The following FEZ1 variants were observed in gnomAD, a reference collection of about 807,000 sequenced individuals.
FEZ1 encodes fasciculation and elongation protein zeta 1.
A neutral mutation model predicts 49.3 loss-of-function variants in FEZ1; 20 were observed. The ratio of observed to expected loss-of-function variants is 0.41; its 90% CI spans 0.29 to 0.59. FEZ1 has a LOEUF of 0.59. Among genes scored for constraint, FEZ1 ranks in the 20% least tolerant of loss-of-function variants. The pLI is 0.36. For synonymous variants in FEZ1, 170 were observed against 180.9 expected, an observed-to-expected ratio of 0.94 and a Z score of 0.48; for missense variants, 413 against 476.0, an observed-to-expected ratio of 0.87 and a Z score of 1.23.
At chr11:125,493,840 G>A (rs191634487) in intron 1 of FEZ1, among the ~76,000 whole-genome samples, 1 of 152,332 alleles carries the variant, frequency 6.6e-6, no homozygotes, top group East Asian at 1.9e-4. Flanking sequence ...GGTGACACCA[G>A]TGGGGTTTCT....
At chr11:125,449,417 TAAAAAAA>T (rs35920814) in intron 8 of FEZ1, among the ~76,000 whole-genome samples, 1,020 of 27,038 alleles carry the variant, frequency 0.038, 16 homozygotes, top group Middle Eastern at 0.11. Context: ...TTTGTCTCTA[TAAAAAAA>T]AAAAAAAAAA....
At chr11:125,460,068 C>A (rs1957059091) in intron 5 of FEZ1, among the ~76,000 whole-genome samples, 1 of 151,962 alleles carries the variant, frequency 6.6e-6, no homozygotes, top group Non-Finnish European at 1.5e-5. Context: ...TACACTCCAG[C>A]CTGGGTGACA....
intron 1 of FEZ1, among the ~76,000 whole-genome samples, chr11:125,490,225 T>C (rs1323339167): frequency 2.0e-5 from 3 of 152,200 alleles, no homozygotes; most frequent in African/African-American, 4.8e-5. Context: ...TCCATATCCT[T>C]AACTATGTGA....
At chr11:125,452,480 T>C (rs1956966877) in intron 7 of FEZ1, 71 bp from the exon 8 acceptor site, 2 of 961,024 alleles carry the variant, frequency 2.1e-6, no homozygotes, top group African/African-American at 1.6e-5. Flanking sequence ...ATTTAGCCTT[T>C]CTCTAAGACA....
chr11:125,450,598 A>T (rs1956945467), intron 8 of FEZ1, among the ~76,000 whole-genome samples: 1 of 152,226 alleles, frequency 6.6e-6, no homozygotes, highest in African/African-American at 2.4e-5. Flanking sequence ...TCATATGAGG[A>T]TCTGCCAAAA....
intron 3 of FEZ1, among the ~76,000 whole-genome samples, chr11:125,478,197 C>T (rs1216264516): frequency 6.6e-6 from 1 of 152,204 alleles, no homozygotes. Flanking sequence ...AATCCCAGCA[C>T]TTTGGGAGGC....
chr11:125,457,115 G>A (rs757609638), intron 5 of FEZ1, among the ~76,000 whole-genome samples: 10 of 151,504 alleles, frequency 6.6e-5, no homozygotes, highest in Non-Finnish European at 1.2e-4. Flanking sequence ...CCTGAGAGGC[G>A]GAGGTTGCAG....
chr11:125,456,090 A>G lies in FEZ1; in HGVS notation c.684T>C (p.Ser228=), dbSNP rs1351086805. Residue 228 remains serine, a synonymous_variant, in exon 6 of 10, where the codon TCT becomes TCC. Coordinates refer to ENST00000278919, the MANE Select transcript of FEZ1 (RefSeq NM_005103.5). ...CCAGCAGCTCGGTCAGCTCAGACCC[A>G]GACATGTGCCTCAGCCCTGCAGGGG... ...NWSYEGLRHM[S]GSELTELLDQ... 1 of 1,599,922 alleles carries G rather than the reference A, an allele frequency of 6.3e-7. No homozygotes were observed. Among genetic ancestry groups the G allele is most frequent in the Non-Finnish European group, 8.5e-7 (1 of 1,173,648 alleles).
intron 8 of FEZ1, among the ~76,000 whole-genome samples, chr11:125,451,859 A>G (rs926425549): frequency 3.9e-5 from 6 of 152,156 alleles, no homozygotes; most frequent in Non-Finnish European, 7.3e-5. Flanking sequence ...GCTGGACTCT[A>G]TTTTTTCCAG....
intron 1 of FEZ1, among the ~76,000 whole-genome samples, chr11:125,490,919 A>C (rs539851883): frequency 1.3e-5 from 2 of 151,890 alleles, no homozygotes; most frequent in Non-Finnish European, 2.9e-5. Flanking sequence ...ACACCCAGCT[A>C]ATTTTTGTAT....
chr11:125,454,408 CTCTTA>C, intron 6 of FEZ1, 198 bp from the exon 7 acceptor site: 1 of 435,930 alleles, frequency 2.3e-6, no homozygotes, highest in East Asian at 3.6e-5. Flanking sequence ...GTCTCAAGAA[CTCTTA>C]TCTTAGTAAG....
intron 9 of FEZ1, 81 bp from the exon 10 acceptor site, chr11:125,446,192 G>A: frequency 1.5e-6 from 2 of 1,362,836 alleles, no homozygotes; most frequent in Non-Finnish European, 1.1e-6. Flanking sequence ...AGCCCTAGCT[G>A]AGAGCAGTCA....
Position 125,455,862 on chromosome 11 carries a change from T to C in FEZ1, c.912A>G (p.Ile304Met). The C allele has an allele frequency of 3.1e-6, 5 of 1,614,010 alleles. No homozygotes were observed. Among genetic ancestry groups the C allele is most frequent in the Non-Finnish European group, 3.4e-6 (4 of 1,179,988 alleles). ...EKGLSLQSSR[I>M]EKGNQMPLKR... Reference sequence around the variant, plus strand: ...TGAGAGGCATCTGGTTTCCCTTCTCTATCCGGCTGCTCTGCAGGCTCAGCC... The same window carrying C: ...TGAGAGGCATCTGGTTTCCCTTCTCCATCCGGCTGCTCTGCAGGCTCAGCC... The change falls in exon 6 of 10, where the codon ATA (isoleucine) becomes ATG (methionine). Residue 304 changes from isoleucine to methionine, a missense_variant. By Grantham distance (10) the Ile-to-Met change is conservative. Transcript: ENST00000278919.
At chr11:125,465,750 GT>G (rs1300701263) in intron 3 of FEZ1, among the ~76,000 whole-genome samples, 5 of 152,076 alleles carry the variant, frequency 3.3e-5, no homozygotes, top group African/African-American at 1.2e-4. Flanking sequence ...CACCTCCATC[GT>G]GCCCCAGCCT....
intron 4 of FEZ1, among the ~76,000 whole-genome samples, chr11:125,461,802 A>G (rs944610780): frequency 6.6e-6 from 1 of 152,216 alleles, no homozygotes; most frequent in African/African-American, 2.4e-5. Flanking sequence ...GGGCTGGACC[A>G]AAGGTAAGGG....
chr11:125,484,218 C>T (rs914067745), intron 2 of FEZ1, among the ~76,000 whole-genome samples: 4 of 152,198 alleles, frequency 2.6e-5, no homozygotes, highest in African/African-American at 9.6e-5. Context: ...TACTCTAAAC[C>T]AGATTCGAAA....
intron 8 of FEZ1, among the ~76,000 whole-genome samples, 159 bp from the exon 9 acceptor site, chr11:125,448,726 T>C (rs1480372165): frequency 6.6e-6 from 1 of 151,940 alleles, no homozygotes; most frequent in Admixed American, 6.6e-5. Context: ...CTATCAGGGG[T>C]CAGCATTTCA....
chr11:125,446,157 A>C (rs1424734532), intron 9 of FEZ1, 46 bp from the exon 10 acceptor site: 2 of 1,607,814 alleles, frequency 1.2e-6, no homozygotes, highest in Admixed American at 1.7e-5. Context: ...ACACAGTTGC[A>C]GGTGGGGACC....
chr11:125,468,178 C>CT (rs1032997897), intron 3 of FEZ1, among the ~76,000 whole-genome samples: 63 of 149,966 alleles, frequency 4.2e-4, no homozygotes, highest in African/African-American at 1.2e-3. Context: ...CACATAATAA[C>CT]TTTTTTTTTT....
Sources: gnomAD v4.1 joint callset for allele counts (sites outside exome capture counted in the v4.1 genomes callset) on GRCh38, gnomAD v4.1.1 for gene constraint, MANE v1.5 for transcripts, NCBI Gene and HGNC (gene_info 2026-07-23, HGNC 2026-07-21) for gene names.